The following TENM3 variants were observed in gnomAD, a reference collection of about 807,000 sequenced individuals.
The protein encoded by TENM3 is teneurin-3.
TENM3 carries 63 observed loss-of-function variants against 255.1 expected under a neutral mutation model. That is an observed-to-expected ratio of 0.25 (90% CI 0.20 to 0.30). The LOEUF (loss-of-function observed/expected upper bound fraction) is 0.30, where lower values mean the gene tolerates loss of function less well. TENM3 is among the 10% of genes least tolerant of loss of function. The probability of loss-of-function intolerance (pLI) is 1.00; values close to 1 mark genes in which losing one functional copy is unlikely to be tolerated. For missense variants in TENM3, 2,929 were observed against 3,461.1 expected (o/e 0.85, Z 3.86); for synonymous variants, 1,306 against 1,322.3 (o/e 0.99, Z 0.27).
intron 3 of TENM3, among the ~76,000 whole-genome samples, chr4:182,460,857 A>T (rs1449701680): frequency 6.6e-6 from 1 of 152,220 alleles, no homozygotes; most frequent in Admixed American, 6.5e-5. Flanking sequence ...AAGAATTAAT[A>T]TGTAATATTT....
At chr4:181,985,098 T>C in the TENM3 span, among the ~76,000 whole-genome samples, 1 of 152,076 alleles carries the variant, frequency 6.6e-6, no homozygotes. Context: ...ACCTGAATTG[T>C]AGCTCATCTC....
intron 3 of TENM3, among the ~76,000 whole-genome samples, chr4:182,597,587 T>C (rs1034243681): frequency 1.4e-4 from 21 of 152,226 alleles, no homozygotes; most frequent in African/African-American, 5.1e-4. Flanking sequence ...AAGCCAGATT[T>C]GTGTTCCTCT....
the TENM3 span, among the ~76,000 whole-genome samples, chr4:181,625,490 G>T: frequency 1.3e-5 from 2 of 152,202 alleles, no homozygotes; most frequent in African/African-American, 4.8e-5. Flanking sequence ...CCTGCACTTC[G>T]CAGTCTCTGA....
the TENM3 span, among the ~76,000 whole-genome samples, chr4:182,039,917 G>T: frequency 6.9e-6 from 1 of 143,988 alleles, no homozygotes; most frequent in African/African-American, 2.7e-5. Flanking sequence ...GACGAGGAGG[G>T]GACAGGAGGG....
chr4:182,525,502 C>T (rs1022548617), intron 3 of TENM3, among the ~76,000 whole-genome samples: 1 of 152,220 alleles, frequency 6.6e-6, no homozygotes, highest in African/African-American at 2.4e-5. Context: ...TTCCATCACA[C>T]TATGCTTTCT....
chr4:182,081,936 A>G, the TENM3 span: 1 of 152,216 alleles, frequency 6.6e-6, no homozygotes, highest in Admixed American at 6.5e-5. Context: ...ATGGTAATTG[A>G]TGATACCAAA....
the TENM3 span, among the ~76,000 whole-genome samples, chr4:181,553,775 T>C: frequency 6.6e-6 from 1 of 151,930 alleles, no homozygotes; most frequent in African/African-American, 2.4e-5. Context: ...GAGTTTGTAG[T>C]TTAGTGGGTC....
chr4:182,154,469 T>G (rs1750564933), intron 1 of TENM3, among the ~76,000 whole-genome samples: 1 of 152,342 alleles, frequency 6.6e-6, no homozygotes, highest in Admixed American at 6.5e-5. Flanking sequence ...TTCCTAAATC[T>G]AATATTTATA....
chr4:182,552,635 G>A (rs191728033), intron 3 of TENM3, among the ~76,000 whole-genome samples: 1 of 152,274 alleles, frequency 6.6e-6, no homozygotes, highest in African/African-American at 2.4e-5. Context: ...AGGAGAGAAA[G>A]CTAAAGGGAG....
At chr4:181,530,828 T>A in the TENM3 span, among the ~76,000 whole-genome samples, 1 of 152,328 alleles carries the variant, frequency 6.6e-6, no homozygotes, top group Non-Finnish European at 1.5e-5. Context: ...TGTATGTACG[T>A]GGGTCATGTG....
At chr4:181,619,171 G>A in the TENM3 span, among the ~76,000 whole-genome samples, 1 of 152,070 alleles carries the variant, frequency 6.6e-6, no homozygotes, top group Non-Finnish European at 1.5e-5. Flanking sequence ...CAGCTTCCTC[G>A]GAGTGGCCGT....
chr4:182,073,463 C>A, the TENM3 span, among the ~76,000 whole-genome samples: 12 of 152,264 alleles, frequency 7.9e-5, no homozygotes, highest in African/African-American at 2.9e-4. Context: ...CAGAAACTAA[C>A]CCTGCCAACA....
At chr4:182,289,349 G>GC (rs1760959389) in intron 1 of TENM3, among the ~76,000 whole-genome samples, 3 of 152,318 alleles carry the variant, frequency 2.0e-5, no homozygotes, top group Admixed American at 1.3e-4. Context: ...CCTGTTCCTG[G>GC]CCCCGCTCTC....
chr4:181,618,933 C>T, the TENM3 span, among the ~76,000 whole-genome samples: 3 of 152,176 alleles, frequency 2.0e-5, no homozygotes, highest in African/African-American at 7.2e-5. Flanking sequence ...GGTGCTTCCA[C>T]TTTGCCCCTG....
At chr4:182,759,091 A>T (rs1762941363) in intron 22 of TENM3, among the ~76,000 whole-genome samples, 1 of 152,210 alleles carries the variant, frequency 6.6e-6, no homozygotes, top group Non-Finnish European at 1.5e-5. Context: ...TTTAAAAGAG[A>T]ATTAGTTGCA....
intron 3 of TENM3, among the ~76,000 whole-genome samples, chr4:182,478,205 A>T (rs1201620827): frequency 2.6e-5 from 4 of 152,144 alleles, no homozygotes; most frequent in Non-Finnish European, 5.9e-5. Flanking sequence ...TATTATTTTC[A>T]TACTACTCTC....
the TENM3 span, among the ~76,000 whole-genome samples, chr4:181,746,861 T>A: frequency 6.6e-6 from 1 of 152,138 alleles, no homozygotes; most frequent in Non-Finnish European, 1.5e-5. Flanking sequence ...GGACACATTC[T>A]TTTTAATAGC....
At chr4:182,153,175 G>A (rs1750463271) in intron 1 of TENM3, among the ~76,000 whole-genome samples, 1 of 151,854 alleles carries the variant, frequency 6.6e-6, no homozygotes, top group Non-Finnish European at 1.5e-5. Context: ...TTTAAAGGCA[G>A]CCTGAAAAAG....
intron 2 of TENM3, among the ~76,000 whole-genome samples, chr4:182,324,666 T>A (rs945392831): frequency 2.6e-5 from 4 of 152,208 alleles, no homozygotes; most frequent in Non-Finnish European, 5.9e-5. Flanking sequence ...GAAACCCATC[T>A]TTCCCTCACA....
Sources: gnomAD v4.1 joint callset for allele counts (sites outside exome capture counted in the v4.1 genomes callset) on GRCh38, gnomAD v4.1.1 for gene constraint, MANE v1.5 for transcripts, NCBI Gene and HGNC (gene_info 2026-07-23, HGNC 2026-07-21) for gene names.